The following GLG1 variants were observed in gnomAD, a reference collection of about 807,000 sequenced individuals.
GLG1 encodes the protein Golgi apparatus protein 1.
Under a neutral mutation model 160.5 loss-of-function variants are expected in GLG1, and 38 were observed. The observed-to-expected ratio is 0.24, with a 90% CI of 0.18 to 0.31. GLG1 has a LOEUF of 0.31. Among genes scored for constraint, GLG1 ranks in the 10% least tolerant of loss-of-function variants. The pLI, the probability that GLG1 is intolerant of heterozygous loss-of-function variation, is 1.00. For synonymous variants in GLG1, 644 were observed against 543.4 expected, an observed-to-expected ratio of 1.19 and a Z score of -2.57; for missense variants, 1,373 against 1,505.2, an observed-to-expected ratio of 0.91 and a Z score of 1.45.
Position 74,452,892 on chromosome 16 carries a change from G to A in GLG1, c.*275C>T. The stretch of plus-strand genomic sequence containing the variant: ...TCTGGAAGTACCGGAAGTTCTGTTG[G>A]TATGAGAGAGACTTGTCTACAGGCA... On this transcript the variant is annotated 3_prime_UTR_variant, in exon 26 of 26. Transcript: ENST00000422840. 1 of 1,138,406 alleles carries A rather than the reference G, an allele frequency of 8.8e-7. No homozygotes were observed. The highest frequency in any genetic ancestry group is 4.1e-5 in the South Asian group (1 of 24,178). The allele number at this position is 1,138,406 out of a possible 1,614,324, so 70.5% of individuals were successfully genotyped here.
chr16:74,496,405 A>T (rs988136615), intron 5 of GLG1, 36 bp downstream of exon 5: 3 of 1,367,424 alleles, frequency 2.2e-6, no homozygotes, highest in Non-Finnish European at 3.1e-6. Flanking sequence ...GTGTAAAAAT[A>T]AAAGGAAGAA....
At position 74,448,389 on chromosome 16, in the gene GLG1, T is replaced by C. The variant is rs1434362445; in HGVS notation, c.*4778A>G. ...ACCCACAGCACCAGATGCTGCATTT[T>C]ACAAAACCACTTAGGTGCTGCCCAA... On this transcript the variant is annotated 3_prime_UTR_variant, in exon 26 of 26. Transcript: ENST00000422840. 2 of 152,174 alleles carry C rather than the reference T, an allele frequency of 1.3e-5. No homozygotes were observed. The highest frequency in any genetic ancestry group is 4.8e-5 in the African/African-American group (2 of 41,442). 9.4% of individuals were successfully genotyped at this position (152,174 alleles called of 1,614,324 possible). A position where few individuals can be genotyped will look rare whatever the true frequency, so the allele number is the denominator to read the frequency against.
chr16:74,591,570 G>C (rs28374152), intron 1 of GLG1, among the ~76,000 whole-genome samples: 1,649 of 152,154 alleles, frequency 0.011, 26 homozygotes, highest in African/African-American at 0.038. Flanking sequence ...GGAGCTTGCA[G>C]TGAGCCGAAA....
At chr16:74,505,698 AC>A (rs1476519553) in intron 3 of GLG1, among the ~76,000 whole-genome samples, 1 of 152,200 alleles carries the variant, frequency 6.6e-6, no homozygotes, top group Non-Finnish European at 1.5e-5. Context: ...CTAATAAAAT[AC>A]AAAAAATTAG....
chr16:74,571,757 C>T (rs149458889), intron 1 of GLG1, among the ~76,000 whole-genome samples: 1 of 152,088 alleles, frequency 6.6e-6, no homozygotes, highest in Non-Finnish European at 1.5e-5. Context: ...CCCAGAAGAT[C>T]GAGGTGTGAC....
rs775353622 is a variant in GLG1 at position 74,462,482 on chromosome 16, G to C, written c.2934+6C>G. The C allele has an allele frequency of 1.2e-6, 2 of 1,612,404 alleles. No homozygotes were observed. Among genetic ancestry groups the C allele is most frequent in the East Asian group, 4.5e-5 (2 of 44,864 alleles). On this transcript the variant is annotated splice_donor_region_variant and intron_variant, in intron 21 of 25. Transcript: ENST00000422840. Reference sequence around the variant, plus strand: ...ACACCTTTGTGGAGAGCCCAGGCCAGTTTACCTGGTCAGCATATCTCAGCT... The same window carrying C: ...ACACCTTTGTGGAGAGCCCAGGCCACTTTACCTGGTCAGCATATCTCAGCT...
chr16:74,593,790 T>C (rs1014234282), intron 1 of GLG1, among the ~76,000 whole-genome samples: 1 of 152,180 alleles, frequency 6.6e-6, no homozygotes, highest in Non-Finnish European at 1.5e-5. Flanking sequence ...TTAAAACTTG[T>C]ATTTCAATTG....
At chr16:74,495,921 C>T (rs535474212) in intron 5 of GLG1, among the ~76,000 whole-genome samples, 4 of 152,212 alleles carry the variant, frequency 2.6e-5, no homozygotes, top group East Asian at 3.9e-4. Context: ...ATTTCTGTGG[C>T]TTTTCTACAT....
chr16:74,559,338 G>T (rs2018441836), intron 1 of GLG1, among the ~76,000 whole-genome samples: 1 of 151,728 alleles, frequency 6.6e-6, no homozygotes, highest in Non-Finnish European at 1.5e-5. Flanking sequence ...AGCTACTCAG[G>T]AGGCTGAGGG....
At chr16:74,585,160 C>CA (rs1958020215) in intron 1 of GLG1, among the ~76,000 whole-genome samples, 2 of 152,122 alleles carry the variant, frequency 1.3e-5, no homozygotes, top group African/African-American at 4.8e-5. Context: ...GTAATCCCAG[C>CA]ACTGTGGAAG....
chr16:74,559,314 G>C (rs1377394990), intron 1 of GLG1, among the ~76,000 whole-genome samples: 1 of 151,764 alleles, frequency 6.6e-6, no homozygotes, highest in African/African-American at 2.4e-5. Flanking sequence ...ATGGTGGTGT[G>C]CAACTGTAAT....
intron 1 of GLG1, among the ~76,000 whole-genome samples, chr16:74,566,291 A>T (rs1567527671): frequency 1.3e-5 from 2 of 152,228 alleles, no homozygotes; most frequent in Non-Finnish European, 2.9e-5. Flanking sequence ...CAGGGAAAGT[A>T]TCTACATAAA....
intron 3 of GLG1, among the ~76,000 whole-genome samples, chr16:74,506,607 C>CAAAA (rs1567489940): frequency 3.2e-4 from 40 of 126,548 alleles, no homozygotes; most frequent in South Asian, 7.7e-4. Context: ...AAAAAAAACT[C>CAAAA]AAGAGAAACC....
chr16:74,571,885 T>A (rs912147060), intron 1 of GLG1, among the ~76,000 whole-genome samples: 4 of 151,716 alleles, frequency 2.6e-5, no homozygotes, highest in Admixed American at 2.0e-4. Flanking sequence ...CAAAAGAAGT[T>A]TGGGGTGGTG....
chr16:74,462,562 G>A lies in GLG1; in HGVS notation c.2860C>T (p.Leu954=), dbSNP rs1445100513. The A allele has an allele frequency of 3.1e-6, 5 of 1,613,430 alleles. No individual in the cohort carries two copies. In the Admixed American group the frequency reaches 6.7e-5, roughly 22 times the overall value. ...ADIPKFCHGI[L]TKAKDDSELE... is the part of the protein sequence containing the mutation. ...TCTGAATCATCCTTGGCCTTAGTCA[G>A]GATACCGTGACAGAATTTAGGAATG... Residue 954 remains leucine (L), a synonymous_variant, in exon 21 of 26, where the codon CTG becomes TTG. Transcript: ENST00000422840.
At chr16:74,502,488 A>G (rs944924570) in intron 4 of GLG1, among the ~76,000 whole-genome samples, 1 of 152,110 alleles carries the variant, frequency 6.6e-6, no homozygotes, top group African/African-American at 2.4e-5. Context: ...ACCTTCACAT[A>G]TCTTAAAATT....
chr16:74,585,402 C>A (rs1369381334), intron 1 of GLG1, among the ~76,000 whole-genome samples: 1 of 152,070 alleles, frequency 6.6e-6, no homozygotes, highest in African/African-American at 2.4e-5. Context: ...GAGCGAGACT[C>A]TGTCTCAAAA....
chr16:74,457,933 G>A lies in GLG1; in HGVS notation c.3206C>T (p.Thr1069Ile), dbSNP rs1013545960. 5 of 1,613,838 alleles carry A rather than the reference G, an allele frequency of 3.1e-6. No homozygotes were observed. In the Admixed American group the frequency reaches 6.7e-5, roughly 22 times the overall value. Residue 1069 changes from threonine to isoleucine, a missense_variant, in exon 24 of 26, where the codon ACT (threonine) becomes ATT (isoleucine). By Grantham distance (89) the Thr-to-Ile change is moderately conservative. Transcript: ENST00000422840. ...ADIFVDPVLH[T>I]ACALDIKHHC... is the part of the protein sequence containing the mutation. ...GTGTTTAATGTCCAGGGCACAAGCA[G>A]TATGAAGTACCGGGTCAACAAAGAT...
intron 6 of GLG1, 115 bp from the exon 7 acceptor site, chr16:74,493,255 T>C (rs1198235459): frequency 1.6e-6 from 1 of 627,708 alleles, no homozygotes; most frequent in African/African-American, 1.9e-5. Flanking sequence ...ACTGCAGTTA[T>C]TACCAACATA....
Sources: allele counts gnomAD v4.1 joint callset (sites outside exome capture counted in the v4.1 genomes callset), GRCh38; gene constraint gnomAD v4.1.1; transcripts MANE v1.5; gene names NCBI Gene and HGNC (gene_info 2026-07-23, HGNC 2026-07-21).